The following NLRP14 variants were observed in gnomAD, a reference collection of about 807,000 sequenced individuals.
NLRP14 encodes the protein NLR family pyrin domain containing 14.
A neutral mutation model predicts 94.7 loss-of-function variants in NLRP14; 105 were observed. The observed-to-expected ratio is 1.11, with a 90% CI of 0.95 to 1.30. NLRP14 has a LOEUF of 1.30. Ranked by LOEUF, NLRP14 falls within the 50% of genes most tolerant of loss-of-function variation. The pLI, the probability that NLRP14 is intolerant of heterozygous loss-of-function variation, is 0.00. For synonymous variants in NLRP14, 508 were observed against 459.9 expected, an observed-to-expected ratio of 1.10 and a Z score of -1.34; for missense variants, 1,362 against 1,254.1, an observed-to-expected ratio of 1.09 and a Z score of -1.30.
intron 6 of NLRP14, among the ~76,000 whole-genome samples, chr11:7,054,313 G>C (rs1852487976): frequency 3.3e-5 from 5 of 152,034 alleles, no homozygotes; most frequent in African/African-American, 1.2e-4. Flanking sequence ...TTTCTTTTGG[G>C]TATATACTCC....
chr11:7,049,965 T>C (rs1852418644), intron 6 of NLRP14, 127 bp downstream of exon 6: 1 of 806,274 alleles, frequency 1.2e-6, no homozygotes, highest in Admixed American at 1.8e-5. Context: ...TGATATGGGG[T>C]AGCAAGCATC....
At chr11:7,029,666 C>G (rs369334413) in intron 1 of NLRP14, among the ~76,000 whole-genome samples, 6 of 152,278 alleles carry the variant, frequency 3.9e-5, no homozygotes, top group African/African-American at 1.4e-4. Flanking sequence ...ATGTTAGAAA[C>G]AATTTCAAAA....
chr11:7,031,693 T>G (rs1589857078), intron 1 of NLRP14, among the ~76,000 whole-genome samples: 2 of 152,138 alleles, frequency 1.3e-5, no homozygotes, highest in East Asian at 3.9e-4. Context: ...CGTCCTTCAG[T>G]CTGAAGCTAT....
chr11:7,090,306 A>G, the NLRP14 span: 69 of 1,586,334 alleles, frequency 4.3e-5, no homozygotes, highest in African/African-American at 7.5e-4. Context: ...CTAAGCAGGA[A>G]CAGACTTGGG....
intron 5 of NLRP14, 150 bp from the exon 6 acceptor site, chr11:7,049,521 G>A (rs1018670040): frequency 1.5e-6 from 1 of 656,108 alleles, no homozygotes; most frequent in Admixed American, 2.7e-5. Context: ...GTCATAAATA[G>A]AAATTGAAGT....
At chr11:7,050,712 G>A (rs1552723) in intron 6 of NLRP14, among the ~76,000 whole-genome samples, 143,077 of 152,242 alleles carry the variant, frequency 0.94, 67,887 homozygotes, top group East Asian at 1. Flanking sequence ...AACTCTTATC[G>A]GTTTTTATAA....
intron 3 of NLRP14, among the ~76,000 whole-genome samples, chr11:7,041,229 A>G (rs998656977): frequency 6.6e-6 from 1 of 152,012 alleles, no homozygotes; most frequent in Non-Finnish European, 1.5e-5. Context: ...TCATTTGTTT[A>G]TGTTTTATCT....
chr11:7,072,026 G>A (rs183345828), downstream of NLRP14, among the ~76,000 whole-genome samples: 23 of 152,284 alleles, frequency 1.5e-4, no homozygotes, highest in Admixed American at 4.6e-4. Context: ...TGGCAAGAGC[G>A]TGACACAATA....
At chr11:7,022,917 A>T (rs939548398) in intron 1 of NLRP14, among the ~76,000 whole-genome samples, 3 of 152,214 alleles carry the variant, frequency 2.0e-5, no homozygotes, top group African/African-American at 7.2e-5. Context: ...GAACTTCTAC[A>T]GTGTTTCGTA....
At chr11:7,058,539 C>T (rs1852557543) in intron 8 of NLRP14, 89 bp downstream of exon 8, 1 of 1,021,880 alleles carries the variant, frequency 9.8e-7, no homozygotes. Flanking sequence ...ACATTCTGTC[C>T]CTTGCTTTTT....
At chr11:7,021,725 G>T (rs1851941777) in intron 1 of NLRP14, among the ~76,000 whole-genome samples, 1 of 151,670 alleles carries the variant, frequency 6.6e-6, no homozygotes, top group Non-Finnish European at 1.5e-5. Flanking sequence ...TGCCATGTTG[G>T]TGTGCTGCAC....
chr11:7,089,672 G>T, the NLRP14 span: 27 of 1,475,088 alleles, frequency 1.8e-5, no homozygotes, highest in African/African-American at 2.8e-5. Context: ...CCCTGGCCGT[G>T]CGGGGGCGAG....
intron 10 of NLRP14, among the ~76,000 whole-genome samples, chr11:7,069,273 A>G (rs1372551299): frequency 6.6e-6 from 1 of 152,228 alleles, no homozygotes; most frequent in Non-Finnish European, 1.5e-5. Context: ...TCTTCATCAC[A>G]TAAATGTGAT....
At chr11:7,089,476 G>A in the NLRP14 span, 2 of 1,266,136 alleles carry the variant, frequency 1.6e-6, no homozygotes, top group Non-Finnish European at 1.0e-6. Flanking sequence ...GGCGGCCCGC[G>A]GCGTTCCCCA....
rs1191104403 is a variant in NLRP14 at position 7,062,593 on chromosome 11, AC to A, written c.2975+91del. The A allele has an allele frequency of 3.5e-6, 4 of 1,138,486 alleles. No individual in the cohort carries two copies. In the Admixed American group the frequency reaches 5.1e-5, roughly 14 times the overall value. 70.5% of individuals were successfully genotyped at this position (1,138,486 alleles called of 1,614,324 possible). On this transcript the variant is annotated intron_variant, in intron 10 of 11. Coordinates refer to ENST00000299481, the MANE Select transcript of NLRP14 (RefSeq NM_176822.4). ...TTTAGTGTATGGAGAGAGGATAAAA[AC>A]TAAATGGGGCTAGAAGGTAAGTTAC... is the stretch of plus-strand genomic sequence containing the variant.
chr11:7,068,086 A>G (rs186814899), intron 10 of NLRP14, among the ~76,000 whole-genome samples: 354 of 151,970 alleles, frequency 2.3e-3, no homozygotes, highest in African/African-American at 8.2e-3. Context: ...GTATTTTATT[A>G]TTTGCTTAAC....
chr11:7,043,117 G>A lies in NLRP14; in HGVS notation c.1091G>A (p.Ser364Asn), dbSNP rs376841964. 1.9e-6 allele frequency: 3 copies of A among 1,614,060 alleles called. No homozygotes were observed. In the African/African-American group the frequency reaches 4.0e-5, roughly 22 times the overall value. ...CTAAAAAGCAATGAGATGCTGTTTAGCATGTGCCAAGTCCCCCTAGTGTGC... is the reference window on the plus strand; with the variant it reads ...CTAAAAAGCAATGAGATGCTGTTTAACATGTGCCAAGTCCCCCTAGTGTGC... ...SSLKSNEMLF[S>N]MCQVPLVCWA... is the part of the protein sequence containing the mutation. Residue 364 changes from serine to asparagine, a missense_variant, in exon 4 of 12, where the codon AGC becomes AAC. By Grantham distance (46) the Ser-to-Asn change is conservative. Coordinates refer to ENST00000299481, the MANE Select transcript of NLRP14 (RefSeq NM_176822.4).
At position 7,071,260 on chromosome 11, in the gene NLRP14, T is replaced by TCG; in HGVS notation, c.3234_3235insCG (p.Cys1079ArgfsTer25). On this transcript the variant is annotated frameshift_variant, in exon 12 of 12. Transcript: ENST00000299481. LOFTEE classifies it low-confidence loss of function (END_TRUNC). The stretch of plus-strand genomic sequence containing the variant: ...ATCCACACTTAATCATTAAGCCAGA[T>TCG]TGTAACTATCATAATGAAGAAGATG... The TCG allele has an allele frequency of 6.2e-7, 1 of 1,613,588 alleles. No individual in the cohort carries two copies. The highest frequency in any genetic ancestry group is 1.1e-5 in the South Asian group (1 of 91,046).
chr11:7,070,535 A>G (rs543275428), intron 11 of NLRP14, 79 bp downstream of exon 11: 166 of 965,614 alleles, frequency 1.7e-4, no homozygotes, highest in Admixed American at 4.4e-4. Flanking sequence ...TACAGGCCTC[A>G]GAATCCACCT....
Sources: gnomAD v4.1 joint callset for allele counts (sites outside exome capture counted in the v4.1 genomes callset) on GRCh38, gnomAD v4.1.1 for gene constraint, MANE v1.5 for transcripts, NCBI Gene and HGNC (gene_info 2026-07-23, HGNC 2026-07-21) for gene names.